The following CCDC3 variants were observed in gnomAD, a reference collection of about 807,000 sequenced individuals.
CCDC3 encodes the protein coiled-coil domain containing 3.
A neutral mutation model predicts 21.4 loss-of-function variants in CCDC3; 24 were observed. The ratio of observed to expected loss-of-function variants is 1.12; its 90% confidence interval spans 0.81 to 1.58. The LOEUF (loss-of-function observed/expected upper bound fraction) is 1.58, where lower values mean the gene tolerates loss of function less well. Among genes scored for constraint, CCDC3 ranks in the 40% most tolerant of loss-of-function variants. CCDC3 has a pLI of 0.00. For missense variants in CCDC3, 425 were observed against 360.9 expected (o/e 1.18, Z -1.44); for synonymous variants, 186 against 166.0 (o/e 1.12, Z -0.93).
In CCDC3 at chr10:13,090,091, C is replaced by CTTT. The variant is rs1231936142; in HGVS notation, c.-503+8431_-503+8433dup. On this transcript the variant is annotated intron_variant, in intron 3 of 6. Coordinates refer to the CCDC3 transcript ENST00000378839. ...TATATATATATATCACCGTTTCTTTCTTTTTTTTTTTTTTTTGTGTCAGAG... is the reference window on the plus strand; with the variant it reads ...TATATATATATATCACCGTTTCTTTCTTTTTTTTTTTTTTTTTTTGTGTCAGAG... Among the ~76,000 whole-genome samples the CTTT allele has an allele frequency of 5.7e-4, 61 of 106,404 alleles. 4 individuals are homozygous for CTTT. Among genetic ancestry groups the CTTT allele is most frequent in the Middle Eastern group, 5.9e-3 (1 of 170 alleles). The allele number at this position is 106,404 out of a possible 152,430, so 69.8% of individuals were successfully genotyped here. A position where few individuals can be genotyped will look rare whatever the true frequency, so the allele number is the denominator to read the frequency against.
At chr10:12,986,569 T>C (rs1414077570) in intron 2 of CCDC3, among the ~76,000 whole-genome samples, 1 of 152,100 alleles carries the variant, frequency 6.6e-6, no homozygotes, top group Non-Finnish European at 1.5e-5. Context: ...GGTCAGGAGA[T>C]GGAAACCACT....
intron 4 of CCDC3, among the ~76,000 whole-genome samples, chr10:13,050,411 T>C (rs1431890485): frequency 6.6e-6 from 1 of 151,810 alleles, no homozygotes; most frequent in Non-Finnish European, 1.5e-5. Context: ...GGGCTGGGCC[T>C]AGGCTTAGAG....
At chr10:13,090,038 T>TAGATAGATAGATAGATAGATAGATAG (rs1564345301) in intron 3 of CCDC3, among the ~76,000 whole-genome samples, 4 of 1,454 alleles carry the variant, frequency 2.8e-3, no homozygotes, top group African/African-American at 3.0e-3. Flanking sequence ...CCGTTAGATA[T>TAGATAGATAGATAGATAGATAGATAG]ATATATATAT....
chr10:13,072,858 C>CTTTTTTTTTTTT (rs1482745185), intron 4 of CCDC3, among the ~76,000 whole-genome samples: 1 of 96,730 alleles, frequency 1.0e-5, no homozygotes, highest in Non-Finnish European at 2.0e-5. Flanking sequence ...CTTTTCTTTT[C>CTTTTTTTTTTTT]TTTTCTTTCT....
At chr10:13,094,871 C>CA (rs1832612741) in intron 3 of CCDC3, among the ~76,000 whole-genome samples, 1 of 151,794 alleles carries the variant, frequency 6.6e-6, no homozygotes, top group Non-Finnish European at 1.5e-5. Flanking sequence ...GTCAAACAAA[C>CA]AAAAAACATG....
intron 3 of CCDC3, among the ~76,000 whole-genome samples, chr10:13,074,969 G>C (rs920290463): frequency 1.3e-5 from 2 of 152,160 alleles, no homozygotes; most frequent in African/African-American, 4.8e-5. Context: ...TTTCCAAAGA[G>C]GACCCGGTAC....
intron 2 of CCDC3, among the ~76,000 whole-genome samples, chr10:12,946,712 C>T (rs985577772): frequency 2.0e-5 from 3 of 152,152 alleles, no homozygotes; most frequent in African/African-American, 7.2e-5. Context: ...TTTCACCATG[C>T]CCTAAGACTC....
At chr10:12,986,816 T>C (rs569291492) in intron 2 of CCDC3, among the ~76,000 whole-genome samples, 6 of 150,526 alleles carry the variant, frequency 4.0e-5, no homozygotes, top group African/African-American at 1.5e-4. Flanking sequence ...AAAAAAGTAA[T>C]CCCTGTAAAA....
At chr10:12,918,177 C>T (rs1259712232) in intron 2 of CCDC3, among the ~76,000 whole-genome samples, 1 of 152,190 alleles carries the variant, frequency 6.6e-6, no homozygotes, top group Non-Finnish European at 1.5e-5. Flanking sequence ...TGATCGGACC[C>T]ACCTTGTCCT....
chr10:13,003,869 G>A (rs1025912835), upstream of CCDC3, among the ~76,000 whole-genome samples: 61 of 152,196 alleles, frequency 4.0e-4, no homozygotes, highest in African/African-American at 1.3e-3. Context: ...TTTTGCAGAA[G>A]TGAGCACCTG....
chr10:12,904,248 C>T (rs1286787380), intron 2 of CCDC3, among the ~76,000 whole-genome samples: 1 of 151,824 alleles, frequency 6.6e-6, no homozygotes, highest in African/African-American at 2.4e-5. Flanking sequence ...GGGAGGACTG[C>T]GTGAGCCTAG....
At chr10:12,954,358 G>A (rs879583766) in intron 2 of CCDC3, among the ~76,000 whole-genome samples, 69 of 152,346 alleles carry the variant, frequency 4.5e-4, no homozygotes, top group Non-Finnish European at 7.1e-4. Context: ...GATTTGGAAT[G>A]ATCCTGAATT....
rs778485130 is a variant in CCDC3, at chr10:12,898,620, C to A, written c.609G>T (p.Leu203=). Residue 203 remains leucine, a synonymous_variant, in exon 3 of 3, where the codon CTG becomes CTT. Coordinates refer to ENST00000378825, the MANE Select transcript of CCDC3 (RefSeq NM_031455.4). ...LFEEEDHVKK[L]QQKVATLEKR... ...TCTCCAGGGTGGCCACTTTCTGCTG[C>A]AGTTTCTTGACGTGGTCCTCCTCCT... is the stretch of plus-strand genomic sequence containing the variant. The A allele has an allele frequency of 1.2e-6, 2 of 1,614,252 alleles. No homozygotes were observed. Among genetic ancestry groups the A allele is most frequent in the Admixed American group, 3.3e-5 (2 of 60,030 alleles).
At chr10:13,072,228 C>G (rs1402790638) in intron 4 of CCDC3, among the ~76,000 whole-genome samples, 1 of 152,112 alleles carries the variant, frequency 6.6e-6, no homozygotes, top group East Asian at 1.9e-4. Flanking sequence ...ATCATGCAAC[C>G]AGAGCCTCGG....
At chr10:12,991,839 G>A (rs888061195) in intron 2 of CCDC3, among the ~76,000 whole-genome samples, 3 of 152,114 alleles carry the variant, frequency 2.0e-5, no homozygotes, top group African/African-American at 7.2e-5. Context: ...CCCAAAAAGG[G>A]CTGAATCATG....
At chr10:13,054,126 CAGAGAGAG>C (rs71386142) in intron 4 of CCDC3, among the ~76,000 whole-genome samples, 1 of 127,210 alleles carries the variant, frequency 7.9e-6, no homozygotes, top group African/African-American at 3.0e-5. Context: ...GCCTGGGTGA[CAGAGAGAG>C]AGAGAGAGAG....
intron 5 of CCDC3, among the ~76,000 whole-genome samples, chr10:13,017,044 A>G (rs1836073514): frequency 6.6e-6 from 1 of 152,004 alleles, no homozygotes; most frequent in African/African-American, 2.4e-5. Flanking sequence ...GAGGTTGAGG[A>G]GCGCCTCGTA....
At chr10:13,072,667 C>T (rs1179399336) in intron 4 of CCDC3, among the ~76,000 whole-genome samples, 1 of 143,406 alleles carries the variant, frequency 7.0e-6, no homozygotes, top group Non-Finnish European at 1.6e-5. Flanking sequence ...TCTCACTTTG[C>T]TGAGTTTTTT....
Position 12,915,162 on chromosome 10 carries a change from GA to G in CCDC3, c.550-16484del, listed in dbSNP as rs1834331853. Among the ~76,000 whole-genome samples the G allele has an allele frequency of 3.3e-5, 5 of 152,244 alleles. No homozygotes were observed. The South Asian group carries it at 1.0e-3, about 32-fold the overall frequency. ...TTTCCCAAAATCCTTATAACAGGAA[GA>G]ATTTTTCTGAAACCAGAATTGATTT... On this transcript the variant is annotated intron_variant, in intron 2 of 2. Coordinates refer to ENST00000378825, the MANE Select transcript of CCDC3 (RefSeq NM_031455.4).
Sources: allele counts gnomAD v4.1 joint callset (sites outside exome capture counted in the v4.1 genomes callset), GRCh38; gene constraint gnomAD v4.1.1; transcripts MANE v1.5; gene names NCBI Gene and HGNC (gene_info 2026-07-23, HGNC 2026-07-21).